The following RIPPLY3 variants were observed in gnomAD, a reference collection of about 807,000 sequenced individuals.
RIPPLY3 encodes ripply transcriptional repressor 3.
A neutral mutation model predicts 11.9 loss-of-function variants in RIPPLY3; 8 were observed. That is an observed-to-expected ratio of 0.67 (90% CI 0.40 to 1.21). RIPPLY3 has a LOEUF of 1.21. Among genes scored for constraint, RIPPLY3 ranks in the 50% most tolerant of loss-of-function variants. RIPPLY3 has a pLI of 0.01. For missense variants in RIPPLY3, 271 were observed against 246.0 expected (o/e 1.10, Z -0.68); for synonymous variants, 102 against 99.0 (o/e 1.03, Z -0.18).
rs533700142 is a variant in RIPPLY3 at position 37,017,912 on chromosome 21, G to A, written c.278G>A (p.Arg93Gln). The A allele has an allele frequency of 3.6e-5, 58 of 1,613,962 alleles. No individual in the cohort carries two copies. The Middle Eastern group carries it at 4.9e-4, about 14-fold the overall frequency. The change falls in exon 4 of 4, where the codon CGG becomes CAG. Residue 93 changes from arginine (R) to glutamine (Q), a missense_variant. Transcript: ENST00000329553. Reference sequence around the variant, plus strand: ...ATGTCAAAGCGTCAAGAATACCTGCGGAGTTCCGGGGAGCAAGTACTGGCC... The same window carrying A: ...ATGTCAAAGCGTCAAGAATACCTGCAGAGTTCCGGGGAGCAAGTACTGGCC... ...LPMSKRQEYL[R>Q]SSGEQVLASF...
chr21:37,008,038 T>TG (rs1171377242), intron 1 of RIPPLY3, 119 bp from the exon 2 acceptor site: 12 of 996,124 alleles, frequency 1.2e-5, no homozygotes, highest in Middle Eastern at 2.1e-4. Context: ...GGAAAGTTCC[T>TG]GGGGGGTCCG....
chr21:37,012,887 C>T (rs1207087166), intron 2 of RIPPLY3, among the ~76,000 whole-genome samples: 7 of 136,044 alleles, frequency 5.1e-5, no homozygotes, highest in South Asian at 4.7e-4. Flanking sequence ...TTTTTTGAGA[C>T]GGAGTGTCGC....
Position 37,006,922 on chromosome 21 carries a change from C to G in RIPPLY3, c.104+46C>G. The G allele has an allele frequency of 5.5e-6, 6 of 1,087,658 alleles. No homozygotes were observed. The highest frequency in any genetic ancestry group is 5.8e-6 in the Non-Finnish European group (5 of 860,934). The allele number at this position is 1,087,658 out of a possible 1,614,324, so 67.4% of individuals were successfully genotyped here. A position where few individuals can be genotyped will look rare whatever the true frequency, so the allele number is the denominator to read the frequency against. On this transcript the variant is annotated intron_variant, in intron 1 of 3. Coordinates refer to ENST00000329553, the MANE Select transcript of RIPPLY3 (RefSeq NM_018962.3). The surrounding 1 kb of genome is among the most constrained non-coding windows in gnomAD (Gnocchi z 5.2). ...CGGTGGACGCGCTGAGAGGCGTGCG[C>G]GGTGGCGGTGCGGGGAGCGCAGCGA... is the stretch of plus-strand genomic sequence containing the variant.
rs1569288048 is a variant in RIPPLY3, at chr21:37,018,005, A to G, written c.371A>G (p.Glu124Gly). 1 of 1,614,034 alleles carries G rather than the reference A, an allele frequency of 6.2e-7. No individual in the cohort carries two copies. Among genetic ancestry groups the G allele is most frequent in the Non-Finnish European group, 8.5e-7 (1 of 1,180,026 alleles). Residue 124 changes from glutamate (E) to glycine (G), a missense_variant, in exon 4 of 4, where the codon GAA (glutamate) becomes GGA (glycine). Glu to Gly is a moderately conservative substitution (Grantham distance 98). Coordinates refer to ENST00000329553, the MANE Select transcript of RIPPLY3 (RefSeq NM_018962.3). ...TCTACTGAGTCTGCTTCCGAAGCTGAAGAGCCAGAGGAAGGACCCCCACCC... is the reference window on the plus strand; with the variant it reads ...TCTACTGAGTCTGCTTCCGAAGCTGGAGAGCCAGAGGAAGGACCCCCACCC... ...DESTESASEA[E>G]EPEEGPPPLH...
intron 3 of RIPPLY3, 128 bp downstream of exon 3, chr21:37,013,746 G>T: frequency 1.6e-6 from 1 of 639,888 alleles, no homozygotes; most frequent in Non-Finnish European, 2.6e-6. Context: ...CTTTGGTATT[G>T]TTTAGTTTCC....
intron 2 of RIPPLY3, among the ~76,000 whole-genome samples, chr21:37,012,621 G>A (rs1396206637): frequency 6.6e-6 from 1 of 152,004 alleles, no homozygotes; most frequent in African/African-American, 2.4e-5. Flanking sequence ...TTCTATACCA[G>A]CCTCATCTGT....
intron 3 of RIPPLY3, 45 bp downstream of exon 3, chr21:37,013,663 T>C (rs1159324016): frequency 2.1e-6 from 3 of 1,440,052 alleles, no homozygotes; most frequent in Non-Finnish European, 1.9e-6. Flanking sequence ...TTCCTTTTAA[T>C]ATAGGCATTA....
rs2069596814 is a variant in RIPPLY3 at position 37,017,996 on chromosome 21, C to T, written c.362C>T (p.Ser121Phe). The change falls in exon 4 of 4, where the codon TCC (serine) becomes TTC (phenylalanine). Residue 121 changes from serine (S) to phenylalanine (F), a missense_variant. Coordinates refer to ENST00000329553, the MANE Select transcript of RIPPLY3 (RefSeq NM_018962.3). Reference sequence around the variant, plus strand: ...GACGATGAGTCTACTGAGTCTGCTTCCGAAGCTGAAGAGCCAGAGGAAGGA... The same window carrying T: ...GACGATGAGTCTACTGAGTCTGCTTTCGAAGCTGAAGAGCCAGAGGAAGGA... ...FYDDESTESASEAEEPEEGPP... is the reference protein window; with the variant it reads ...FYDDESTESAFEAEEPEEGPP... 6.2e-7 allele frequency: 1 copy of T among 1,614,156 alleles called. No individual in the cohort carries two copies. The highest frequency in any genetic ancestry group is 1.3e-5 in the African/African-American group (1 of 75,038).
At chr21:37,012,212 T>TTTATTATTATTATTATTA (rs35315761) in intron 2 of RIPPLY3, among the ~76,000 whole-genome samples, 4 of 132,512 alleles carry the variant, frequency 3.0e-5, no homozygotes, top group East Asian at 2.3e-4. Flanking sequence ...CCGCTCCTTA[T>TTTATTATTATTATTATTA]TTATTATTAT....
At chr21:37,009,089 G>T (rs1333052303) in intron 2 of RIPPLY3, among the ~76,000 whole-genome samples, 1 of 152,100 alleles carries the variant, frequency 6.6e-6, no homozygotes, top group African/African-American at 2.4e-5. Flanking sequence ...GGGCTTTGTG[G>T]GCAAGATTAA....
At chr21:37,010,484 C>A (rs113116767) in intron 2 of RIPPLY3, among the ~76,000 whole-genome samples, 4,187 of 152,096 alleles carry the variant, frequency 0.028, 99 homozygotes, top group African/African-American at 0.065. Flanking sequence ...CAGAATGAGA[C>A]CCTGTCTCAA....
At chr21:37,007,364 G>A (rs935822769) in intron 1 of RIPPLY3, among the ~76,000 whole-genome samples, 2 of 150,806 alleles carry the variant, frequency 1.3e-5, no homozygotes, top group African/African-American at 4.9e-5. Flanking sequence ...GGGTAGGCCG[G>A]ATGGGCCAGG....
Position 37,006,838 on chromosome 21 carries a change from C to A in RIPPLY3, c.66C>A (p.Asp22Glu). The A allele has an allele frequency of 1.6e-6, 2 of 1,226,590 alleles. No individual in the cohort carries two copies. Among genetic ancestry groups the A allele is most frequent in the Non-Finnish European group, 2.0e-6 (2 of 984,688 alleles). The allele number at this position is 1,226,590 out of a possible 1,614,324, so 76.0% of individuals were successfully genotyped here. ...GGCGCGGCTGTCACTGCCCCGGGGA[C>A]GCTCCCTGGAGGCCTCCGCCACCGC... is the stretch of plus-strand genomic sequence containing the variant. ...ARGRGCHCPG[D>E]APWRPPPPRG... The change falls in exon 1 of 4, where the codon GAC becomes GAA. Residue 22 changes from aspartate (D) to glutamate (E), a missense_variant. Asp to Glu is a conservative substitution (Grantham distance 45, BLOSUM62 2). Coordinates refer to ENST00000329553, the MANE Select transcript of RIPPLY3 (RefSeq NM_018962.3). The surrounding 1 kb of genome is among the most constrained non-coding windows in gnomAD (Gnocchi z 5.2).
At chr21:37,013,741 G>T in intron 3 of RIPPLY3, 123 bp downstream of exon 3, 1 of 660,212 alleles carries the variant, frequency 1.5e-6, no homozygotes, top group Non-Finnish European at 2.5e-6. Flanking sequence ...GTATTCTTTG[G>T]TATTGTTTAG....
intron 2 of RIPPLY3, among the ~76,000 whole-genome samples, chr21:37,011,568 CA>C (rs1243219512): frequency 6.6e-6 from 1 of 152,166 alleles, no homozygotes; most frequent in African/African-American, 2.4e-5. Context: ...CAGAGCTTAA[CA>C]AAGAAGCAGC....
In RIPPLY3 at chr21:37,018,339, G is replaced by A; in HGVS notation, c.*132G>A. On this transcript the variant is annotated 3_prime_UTR_variant, in exon 4 of 4. Transcript: ENST00000329553. Reference sequence around the variant, plus strand: ...AGGCTTCTCGGGCAGCCCCTGGCCTGCACACTACTCATGACAGAAAGTCAG... The same window carrying A: ...AGGCTTCTCGGGCAGCCCCTGGCCTACACACTACTCATGACAGAAAGTCAG... The A allele has an allele frequency of 1.4e-6, 1 of 698,742 alleles. No homozygotes were observed. Among genetic ancestry groups the A allele is most frequent in the Non-Finnish European group, 2.4e-6 (1 of 415,328 alleles). The allele number at this position is 698,742 out of a possible 1,614,324, so 43.3% of individuals were successfully genotyped here. A position where few individuals can be genotyped will look rare whatever the true frequency, so the allele number is the denominator to read the frequency against.
chr21:37,017,078 A>G (rs1323164370), intron 3 of RIPPLY3, among the ~76,000 whole-genome samples: 1 of 151,058 alleles, frequency 6.6e-6, no homozygotes, highest in Admixed American at 6.6e-5. Context: ...CACTGAACTC[A>G]GAAGGCAGAA....
intron 2 of RIPPLY3, among the ~76,000 whole-genome samples, chr21:37,009,979 C>A (rs1004333529): frequency 2.6e-5 from 4 of 152,178 alleles, no homozygotes; most frequent in Admixed American, 2.6e-4. Flanking sequence ...TACTGTGCAC[C>A]GCCCTGGGTT....
chr21:37,017,860 T>A lies in RIPPLY3; in HGVS notation c.240-14T>A. ...TCAGGTTGATTAATGGTATATTTGT[T>A]TCTTAAATATTAGAGTCTATTTACC... On this transcript the variant is annotated splice_polypyrimidine_tract_variant and intron_variant, in intron 3 of 3. Transcript: ENST00000329553. 1 of 1,588,572 alleles carries A rather than the reference T, an allele frequency of 6.3e-7. No individual in the cohort carries two copies. The highest frequency in any genetic ancestry group is 8.6e-7 in the Non-Finnish European group (1 of 1,166,154).
Sources: gnomAD v4.1 joint callset for allele counts (sites outside exome capture counted in the v4.1 genomes callset) on GRCh38, gnomAD v4.1.1 for gene constraint, Gnocchi (gnomAD v3.1) non-coding constraint, MANE v1.5 for transcripts, NCBI Gene and HGNC (gene_info 2026-07-23, HGNC 2026-07-21) for gene names.